Variants in MRPS28 observed in about 807,000 individuals in gnomAD.
MRPS28 encodes the protein mitochondrial ribosomal protein S28.
A neutral mutation model predicts 10.8 loss-of-function variants in MRPS28; 7 were observed. The ratio of observed to expected loss-of-function variants is 0.65; its 90% CI spans 0.37 to 1.22. MRPS28 has a LOEUF of 1.22. Among genes scored for constraint, MRPS28 ranks in the 50% most tolerant of loss-of-function variants. The pLI, the probability that MRPS28 is intolerant of heterozygous loss-of-function variation, is 0.02. For missense variants in MRPS28, 265 were observed against 232.9 expected, an observed-to-expected ratio of 1.14 and a Z score of -0.90; for synonymous variants, 121 against 93.3, an observed-to-expected ratio of 1.30 and a Z score of -1.71.
At chr8:79,983,212 T>C (rs184418499) in intron 2 of MRPS28, among the ~76,000 whole-genome samples, 2,645 of 152,132 alleles carry the variant, frequency 0.017, 77 homozygotes, top group African/African-American at 0.058. Flanking sequence ...CAGCTGAGTG[T>C]CCTGCCTGTT....
intron 2 of MRPS28, among the ~76,000 whole-genome samples, chr8:79,939,491 T>C (rs1806701368): frequency 6.6e-6 from 1 of 152,174 alleles, no homozygotes; most frequent in Non-Finnish European, 1.5e-5. Context: ...CAATCATCCA[T>C]TAAGAAAAAT....
chr8:79,965,693 A>AG lies in MRPS28; in HGVS notation c.395+37305_395+37306insC, dbSNP rs1807487325. 3.9e-5 allele frequency among the ~76,000 whole-genome samples: 6 copies of AG among 152,094 alleles called. No homozygotes were observed. In the South Asian group the frequency reaches 1.0e-3, roughly 26 times the overall value. On this transcript the variant is annotated intron_variant, in intron 2 of 2. Coordinates refer to ENST00000276585, the MANE Select transcript of MRPS28 (RefSeq NM_014018.3). The stretch of plus-strand genomic sequence containing the variant: ...TATCTTACATGTTAATTATATCTGC[A>AG]ATGATTCTGAGAATGCAAAGAAATT...
intron 2 of MRPS28, among the ~76,000 whole-genome samples, chr8:79,956,156 C>T (rs1181749427): frequency 1.3e-5 from 2 of 152,024 alleles, no homozygotes; most frequent in African/African-American, 2.4e-5. Flanking sequence ...AATAGCTAGC[C>T]TCTTAAATCC....
intron 2 of MRPS28, among the ~76,000 whole-genome samples, chr8:79,999,286 G>C (rs1410801842): frequency 6.6e-6 from 1 of 152,130 alleles, no homozygotes; most frequent in African/African-American, 2.4e-5. Flanking sequence ...TACAAAAAGG[G>C]GAAGACCACA....
intron 1 of MRPS28, among the ~76,000 whole-genome samples, chr8:80,011,899 C>G (rs915668648): frequency 1.4e-4 from 22 of 152,146 alleles, no homozygotes; most frequent in African/African-American, 4.8e-4. Flanking sequence ...AACACAATGT[C>G]CTTTTTCAAT....
intron 2 of MRPS28, among the ~76,000 whole-genome samples, chr8:79,962,879 A>G (rs1202503922): frequency 6.6e-6 from 1 of 152,132 alleles, no homozygotes; most frequent in Non-Finnish European, 1.5e-5. Flanking sequence ...TGCTCCTTAG[A>G]TCACTGAAAG....
intron 2 of MRPS28, among the ~76,000 whole-genome samples, chr8:79,990,986 T>C (rs1357619501): frequency 1.2e-5 from 1 of 83,360 alleles, no homozygotes; most frequent in Non-Finnish European, 2.3e-5. Flanking sequence ...CAAGACTCCA[T>C]CTCAAAAAAA....
At chr8:79,983,882 T>C (rs1808060491) in intron 2 of MRPS28, among the ~76,000 whole-genome samples, 1 of 152,174 alleles carries the variant, frequency 6.6e-6, no homozygotes, top group African/African-American at 2.4e-5. Context: ...TTCCCCAATC[T>C]AGCAAGGCAG....
At chr8:80,015,169 G>A (rs1047861337) in intron 1 of MRPS28, among the ~76,000 whole-genome samples, 14 of 152,190 alleles carry the variant, frequency 9.2e-5, no homozygotes, top group Non-Finnish European at 2.1e-4. Context: ...GGTCCTTACA[G>A]TGAATATAGG....
At chr8:79,960,214 T>C (rs530164518) in intron 2 of MRPS28, among the ~76,000 whole-genome samples, 22 of 152,130 alleles carry the variant, frequency 1.4e-4, no homozygotes, top group Non-Finnish European at 2.8e-4. Flanking sequence ...GGCTGCTTTG[T>C]CCCTTGTCTG....
intron 2 of MRPS28, among the ~76,000 whole-genome samples, chr8:79,948,830 A>G (rs373489036): frequency 1.5e-4 from 23 of 152,242 alleles, no homozygotes; most frequent in African/African-American, 4.6e-4. Flanking sequence ...GTCATGATGT[A>G]TTATACATTT....
chr8:80,013,650 A>G (rs898954198), intron 1 of MRPS28, among the ~76,000 whole-genome samples: 1 of 150,920 alleles, frequency 6.6e-6, no homozygotes, highest in African/African-American at 2.4e-5. Context: ...AAAAAAAAAA[A>G]AAAGAAAAGA....
chr8:80,015,862 A>G (rs976824002), intron 1 of MRPS28, among the ~76,000 whole-genome samples: 16 of 152,112 alleles, frequency 1.1e-4, no homozygotes, highest in African/African-American at 3.6e-4. Context: ...TCAAAAAGAA[A>G]TGCTAGAGAT....
intron 2 of MRPS28, among the ~76,000 whole-genome samples, chr8:79,976,575 A>G (rs113133941): frequency 0.053 from 8,131 of 152,100 alleles, 367 homozygotes; most frequent in African/African-American, 0.12. Flanking sequence ...GCATGGTGTC[A>G]TGCACCTGTA....
chr8:79,975,835 G>T (rs1037452171), intron 2 of MRPS28, among the ~76,000 whole-genome samples: 6 of 151,924 alleles, frequency 3.9e-5, no homozygotes, highest in Non-Finnish European at 8.8e-5. Flanking sequence ...TTATTATAAG[G>T]AAATAATCAG....
chr8:80,005,533 T>G (rs1288910591), intron 1 of MRPS28, among the ~76,000 whole-genome samples: 1 of 152,142 alleles, frequency 6.6e-6, no homozygotes, highest in Admixed American at 6.6e-5. Flanking sequence ...TGCAAAAACA[T>G]GCCAAACTGT....
intron 1 of MRPS28, among the ~76,000 whole-genome samples, chr8:80,014,912 G>A (rs759113679): frequency 2.6e-5 from 4 of 152,182 alleles, no homozygotes; most frequent in Non-Finnish European, 5.9e-5. Flanking sequence ...GCATCTGAGA[G>A]GTGGGGGTCA....
chr8:79,997,471 C>T (rs1293729344), intron 2 of MRPS28, among the ~76,000 whole-genome samples: 1 of 152,160 alleles, frequency 6.6e-6, no homozygotes, highest in African/African-American at 2.4e-5. Flanking sequence ...AGAACAAGAA[C>T]AGAAAGACAA....
chr8:79,986,151 T>A (rs552931348), intron 2 of MRPS28, among the ~76,000 whole-genome samples: 12 of 152,158 alleles, frequency 7.9e-5, no homozygotes, highest in Admixed American at 4.6e-4. Context: ...TAATCCAGCA[T>A]ATAAACAGAA....
Sources: allele counts gnomAD v4.1 joint callset (sites outside exome capture counted in the v4.1 genomes callset), GRCh38; gene constraint gnomAD v4.1.1; transcripts MANE v1.5; gene names NCBI Gene and HGNC (gene_info 2026-07-23, HGNC 2026-07-21).